LRRC4C: variants seen among roughly 807,000 people sequenced by gnomAD.
LRRC4C encodes leucine rich repeat containing 4C, also known as leucine-rich repeat-containing protein 4C.
A neutral mutation model predicts 33.6 loss-of-function variants in LRRC4C; 5 were observed. The ratio of observed to expected loss-of-function variants is 0.15; its 90% CI spans 0.08 to 0.31. The LOEUF (loss-of-function observed/expected upper bound fraction) is 0.31, where lower values mean the gene tolerates loss of function less well. Among genes scored for constraint, LRRC4C ranks in the 10% least tolerant of loss-of-function variants. The probability of loss-of-function intolerance (pLI) is 1.00; values close to 1 mark genes in which losing one functional copy is unlikely to be tolerated. For missense variants in LRRC4C, 560 were observed against 796.7 expected (o/e 0.70, Z 3.58); for synonymous variants, 329 against 302.0 (o/e 1.09, Z -0.93).
At chr11:40,625,652 T>G (rs981145227) in intron 3 of LRRC4C, among the ~76,000 whole-genome samples, 1 of 152,162 alleles carries the variant, frequency 6.6e-6, no homozygotes, top group Admixed American at 6.6e-5. Context: ...TTCTATAACA[T>G]TTTGAGCCAC....
chr11:40,582,210 G>C (rs550622051), intron 3 of LRRC4C, among the ~76,000 whole-genome samples: 2 of 151,990 alleles, frequency 1.3e-5, no homozygotes, highest in Non-Finnish European at 2.9e-5. Flanking sequence ...ACATTTTTAC[G>C]TAAGGTTTTA....
At chr11:41,156,472 CTTAACA>C (rs1490233685) in intron 1 of LRRC4C, among the ~76,000 whole-genome samples, 1 of 152,070 alleles carries the variant, frequency 6.6e-6, no homozygotes, top group East Asian at 1.9e-4. Context: ...ATCATTCCCA[CTTAACA>C]TTAACAATTT....
chr11:40,582,583 C>T (rs61888373), intron 3 of LRRC4C, among the ~76,000 whole-genome samples: 37,647 of 140,586 alleles, frequency 0.27, 5,015 homozygotes, highest in Middle Eastern at 0.42. Context: ...GTGGTTCAAT[C>T]TTGGCTCACT....
chr11:40,699,329 C>T (rs1945746221), intron 2 of LRRC4C, among the ~76,000 whole-genome samples: 1 of 152,110 alleles, frequency 6.6e-6, no homozygotes, highest in East Asian at 1.9e-4. Context: ...AATGGCTAAA[C>T]AGAGATTGAT....
At chr11:40,631,512 G>GCGAA (rs915457621) in intron 3 of LRRC4C, among the ~76,000 whole-genome samples, 14 of 151,648 alleles carry the variant, frequency 9.2e-5, no homozygotes, top group African/African-American at 3.4e-4. Flanking sequence ...GCTTTAACCT[G>GCGAA]CGAACTCTGA....
At chr11:40,927,812 T>C (rs1296169819) in intron 2 of LRRC4C, among the ~76,000 whole-genome samples, 1 of 152,202 alleles carries the variant, frequency 6.6e-6, no homozygotes, top group Admixed American at 6.5e-5. Context: ...TTTTGACATA[T>C]TATAGTTCAC....
intron 6 of LRRC4C, among the ~76,000 whole-genome samples, chr11:40,121,234 C>T (rs1028280972): frequency 3.9e-5 from 6 of 152,060 alleles, no homozygotes; most frequent in Non-Finnish European, 4.4e-5. Context: ...TCTTACTCTC[C>T]GGGCTGAGTT....
chr11:40,828,514 C>T (rs1952265988), intron 2 of LRRC4C, among the ~76,000 whole-genome samples: 1 of 151,742 alleles, frequency 6.6e-6, no homozygotes, highest in Admixed American at 6.6e-5. Flanking sequence ...TAGTCTTTGA[C>T]TTACATGGTT....
intron 1 of LRRC4C, among the ~76,000 whole-genome samples, chr11:41,406,155 A>G: frequency 6.6e-6 from 1 of 152,176 alleles, no homozygotes; most frequent in East Asian, 1.9e-4. Flanking sequence ...TGACTTACCT[A>G]TGTGAGGATA....
At chr11:41,070,069 C>T (rs1184083769) in intron 1 of LRRC4C, among the ~76,000 whole-genome samples, 1 of 151,972 alleles carries the variant, frequency 6.6e-6, no homozygotes, top group Non-Finnish European at 1.5e-5. Context: ...CAAAAACAAA[C>T]ATATAGACCA....
At chr11:40,901,600 A>G (rs1385415187) in intron 2 of LRRC4C, among the ~76,000 whole-genome samples, 4 of 152,082 alleles carry the variant, frequency 2.6e-5, no homozygotes, top group Admixed American at 2.0e-4. Flanking sequence ...TACCCTTATT[A>G]AATCCTCAAA....
chr11:41,445,606 C>T (rs1371718922), intron 1 of LRRC4C, among the ~76,000 whole-genome samples: 1 of 151,986 alleles, frequency 6.6e-6, no homozygotes, highest in African/African-American at 2.4e-5. Flanking sequence ...TCAGAGGACC[C>T]ATATTTAAAT....
chr11:41,443,950 C>T (rs982580605), intron 1 of LRRC4C, among the ~76,000 whole-genome samples: 6 of 152,006 alleles, frequency 3.9e-5, no homozygotes, highest in Non-Finnish European at 8.8e-5. Flanking sequence ...ATTACCTTTT[C>T]CTCTGTTCCC....
chr11:41,405,654 C>T (rs950994091), intron 1 of LRRC4C, among the ~76,000 whole-genome samples: 4 of 151,938 alleles, frequency 2.6e-5, no homozygotes, highest in African/African-American at 4.8e-5. Flanking sequence ...CATTACATGC[C>T]CTGACTTTGA....
intron 5 of LRRC4C, among the ~76,000 whole-genome samples, chr11:40,163,284 C>G (rs1411355768): frequency 6.6e-6 from 1 of 152,176 alleles, no homozygotes; most frequent in African/African-American, 2.4e-5. Flanking sequence ...TTCACATTAT[C>G]TTGAAGGTTT....
intron 1 of LRRC4C, among the ~76,000 whole-genome samples, chr11:41,202,032 C>A (rs1199950212): frequency 6.6e-6 from 1 of 152,140 alleles, no homozygotes; most frequent in Non-Finnish European, 1.5e-5. Context: ...AGCCTCCTTG[C>A]CTCACTCGTA....
At position 40,840,656 on chromosome 11, in the gene LRRC4C, C is replaced by T. The variant is rs947881145; in HGVS notation, c.-407+92979G>A. Among the ~76,000 whole-genome samples, 10 of 152,110 alleles carry T rather than the reference C, an allele frequency of 6.6e-5. 1 individual carries two copies. Among genetic ancestry groups the T allele is most frequent in the Non-Finnish European group, 1.2e-4 (8 of 68,004 alleles). On this transcript the variant is annotated intron_variant, in intron 2 of 6. Transcript: ENST00000528697. ...TGGTAAAATAGGTTTTGATCAGCTG[C>T]TCTTTCTTCTTCTAGGCAAATCAAA...
intron 1 of LRRC4C, among the ~76,000 whole-genome samples, chr11:41,255,117 G>T (rs10501256): frequency 6.6e-6 from 1 of 151,932 alleles, no homozygotes; most frequent in African/African-American, 2.4e-5. Flanking sequence ...TTCCCTAAAA[G>T]CTCAACAAGG....
At chr11:41,438,889 T>A (rs1955525652) in intron 1 of LRRC4C, among the ~76,000 whole-genome samples, 1 of 152,202 alleles carries the variant, frequency 6.6e-6, no homozygotes, top group East Asian at 1.9e-4. Flanking sequence ...TTTTTAAATT[T>A]TTTTTTGTTT....
Sources: gnomAD v4.1 joint callset for allele counts (sites outside exome capture counted in the v4.1 genomes callset) on GRCh38, gnomAD v4.1.1 for gene constraint, MANE v1.5 for transcripts, NCBI Gene and HGNC (gene_info 2026-07-23, HGNC 2026-07-21) for gene names.